AFF2: variants seen among roughly 807,000 people sequenced by gnomAD.
AFF2 encodes the protein ALF transcription elongation factor 2, also known as AF4/FMR2 family member 2.
Under a neutral mutation model 76.9 loss-of-function variants are expected in AFF2, and 14 were observed. The ratio of observed to expected loss-of-function variants is 0.18; its 90% CI spans 0.12 to 0.28. The LOEUF (loss-of-function observed/expected upper bound fraction) is 0.28, where lower values mean the gene tolerates loss of function less well. Ranked by LOEUF, AFF2 falls within the 10% of genes least tolerant of loss-of-function variation. The pLI, the probability that AFF2 is intolerant of heterozygous loss-of-function variation, is 1.00. For synonymous variants in AFF2, 398 were observed against 366.7 expected (o/e 1.09, Z -0.98); for missense variants, 868 against 1,001.1 (o/e 0.87, Z 1.79).
intron 1 of AFF2, among the ~76,000 whole-genome samples, chrX:148,583,492 A>G (rs1040201348): frequency 1.4e-3 from 152 of 111,888 alleles, no homozygotes; most frequent in African/African-American, 4.5e-3. Context: ...CCATAATAGT[A>G]TCATGCATAG....
intron 1 of AFF2, among the ~76,000 whole-genome samples, chrX:148,554,696 T>C (rs782732812): frequency 8.9e-6 from 1 of 112,944 alleles, no homozygotes; most frequent in African/African-American, 3.2e-5. Context: ...GATTTCAGAC[T>C]CTTTAAGATT....
At chrX:148,989,530 G>A (rs782152345) in intron 20 of AFF2, among the ~76,000 whole-genome samples, 160 of 112,091 alleles carry the variant, frequency 1.4e-3, no homozygotes, top group African/African-American at 4.8e-3. Context: ...AGCGGACTGG[G>A]GAGAAGACTA....
intron 3 of AFF2, among the ~76,000 whole-genome samples, chrX:148,792,501 A>G (rs781799478): frequency 6.2e-5 from 7 of 112,961 alleles, no homozygotes; most frequent in Non-Finnish European, 1.3e-4. Context: ...GTTTTAACAC[A>G]AAAGTGATAA....
intron 1 of AFF2, among the ~76,000 whole-genome samples, chrX:148,626,548 A>G (rs781963171): frequency 8.2e-5 from 9 of 109,347 alleles, no homozygotes; most frequent in African/African-American, 1.4e-4. Flanking sequence ...AACAATGGTT[A>G]TATTTTTTTC....
At chrX:148,979,255 C>T (rs1002283746) in intron 18 of AFF2, among the ~76,000 whole-genome samples, 41 of 111,837 alleles carry the variant, frequency 3.7e-4, no homozygotes, top group African/African-American at 1.3e-3. Context: ...TTGAAATGAG[C>T]GAAATTATGG....
chrX:148,756,236 G>T (rs2055559628), intron 3 of AFF2, among the ~76,000 whole-genome samples: 1 of 112,449 alleles, frequency 8.9e-6, no homozygotes, highest in African/African-American at 3.2e-5. Flanking sequence ...ACAAAAATTG[G>T]CTATGCTGTA....
chrX:148,814,770 A>G (rs1457779718), intron 4 of AFF2, among the ~76,000 whole-genome samples: 1 of 111,834 alleles, frequency 8.9e-6, no homozygotes, highest in Non-Finnish European at 1.9e-5. Flanking sequence ...AAATATTTAC[A>G]GGGCAGTGCT....
chrX:148,671,037 G>A (rs1603273418), intron 3 of AFF2, among the ~76,000 whole-genome samples: 1 of 109,409 alleles, frequency 9.1e-6, no homozygotes, highest in Non-Finnish European at 1.9e-5. Context: ...TTCTAAGGCT[G>A]TATGCAAGTG....
At chrX:148,753,892 A>G (rs2055531063) in intron 3 of AFF2, among the ~76,000 whole-genome samples, 2 of 111,815 alleles carry the variant, frequency 1.8e-5, no homozygotes, top group South Asian at 7.4e-4. Flanking sequence ...CATCTCTCCC[A>G]TTCCTTCTGA....
intron 3 of AFF2, among the ~76,000 whole-genome samples, chrX:148,719,746 G>A (rs2055069670): frequency 9.0e-6 from 1 of 111,531 alleles, no homozygotes; most frequent in Admixed American, 9.5e-5. Context: ...CAACAACATG[G>A]GGCTGAGTTT....
At chrX:148,923,034 A>G (rs927133033) in intron 9 of AFF2, among the ~76,000 whole-genome samples, 2 of 111,986 alleles carry the variant, frequency 1.8e-5, no homozygotes, top group Admixed American at 1.9e-4. Context: ...GAGGAAGCAC[A>G]TGACTCTGCC....
At chrX:148,970,032 T>C (rs937952490) in intron 15 of AFF2, among the ~76,000 whole-genome samples, 14 of 111,794 alleles carry the variant, frequency 1.3e-4, no homozygotes, top group African/African-American at 4.6e-4. Flanking sequence ...TATTGGGTTG[T>C]GAATGAAAAG....
At chrX:148,966,230 C>T (rs1179201162) in intron 13 of AFF2, among the ~76,000 whole-genome samples, 1 of 111,633 alleles carries the variant, frequency 9.0e-6, no homozygotes, top group African/African-American at 3.3e-5. Flanking sequence ...GCGGCTTCAA[C>T]CTCACTTCAG....
At chrX:148,582,134 G>T (rs977133521) in intron 1 of AFF2, among the ~76,000 whole-genome samples, 21 of 111,054 alleles carry the variant, frequency 1.9e-4, no homozygotes, top group African/African-American at 4.9e-4. Context: ...TGTACTACTG[G>T]CAGGAATACC....
At chrX:148,513,879 G>A (rs1557233451) in intron 1 of AFF2, among the ~76,000 whole-genome samples, 1 of 110,563 alleles carries the variant, frequency 9.0e-6, no homozygotes, top group Non-Finnish European at 1.9e-5. Flanking sequence ...GCTCCCCAAG[G>A]GTATCATAAA....
At chrX:148,746,820 G>T (rs1488300632) in intron 3 of AFF2, among the ~76,000 whole-genome samples, 1 of 112,205 alleles carries the variant, frequency 8.9e-6, no homozygotes, top group Non-Finnish European at 1.9e-5. Flanking sequence ...GGCAGACTGA[G>T]GGCCAATTCA....
intron 3 of AFF2, among the ~76,000 whole-genome samples, chrX:148,692,950 G>A (rs1204044291): frequency 3.6e-5 from 4 of 110,721 alleles, no homozygotes; most frequent in East Asian, 2.8e-4. Flanking sequence ...ACAGAGTCTC[G>A]CTCTGTCGCC....
At chrX:148,560,781 C>T (rs782765417) in intron 1 of AFF2, among the ~76,000 whole-genome samples, 3 of 111,949 alleles carry the variant, frequency 2.7e-5, no homozygotes, top group African/African-American at 9.7e-5. Context: ...TAAGACATTT[C>T]GATTTTTAAC....
chrX:148,925,515 G>T (rs1419648476), intron 9 of AFF2, among the ~76,000 whole-genome samples: 2 of 112,221 alleles, frequency 1.8e-5, no homozygotes, highest in African/African-American at 6.5e-5. Context: ...TTCCATAACA[G>T]AATGCTGGCC....
Sources: allele counts gnomAD v4.1 joint callset (sites outside exome capture counted in the v4.1 genomes callset), GRCh38; gene constraint gnomAD v4.1.1; transcripts MANE v1.5; gene names NCBI Gene and HGNC (gene_info 2026-07-23, HGNC 2026-07-21).